Variants in MAPK8IP3 observed in about 807,000 individuals in gnomAD.
The protein encoded by MAPK8IP3 is C-Jun-amino-terminal kinase-interacting protein 3.
A neutral mutation model predicts 157.8 loss-of-function variants in MAPK8IP3; 49 were observed. The ratio of observed to expected loss-of-function variants is 0.31; its 90% CI spans 0.25 to 0.39. The LOEUF (loss-of-function observed/expected upper bound fraction) is 0.39, where lower values mean the gene tolerates loss of function less well. Ranked by LOEUF, MAPK8IP3 falls within the 10% of genes least tolerant of loss-of-function variation. The pLI is 1.00. For synonymous variants in MAPK8IP3, 897 were observed against 777.7 expected (o/e 1.15, Z -2.55); for missense variants, 1,478 against 1,889.4 (o/e 0.78, Z 4.04).
intron 8 of MAPK8IP3, among the ~76,000 whole-genome samples, chr16:1,754,347 G>A (rs556715477): frequency 9.2e-5 from 14 of 152,284 alleles, no homozygotes; most frequent in Admixed American, 4.6e-4. Context: ...ACTCAGAGAA[G>A]TTATACTATG....
chr16:1,748,629 T>C lies in MAPK8IP3; in HGVS notation c.1125T>C (p.Ala375=), dbSNP rs1025683630. The change falls in exon 8 of 32, where the codon GCT becomes GCC. Residue 375 remains alanine (A), a synonymous_variant. Coordinates refer to ENST00000610761, the MANE Select transcript of MAPK8IP3 (RefSeq NM_001318852.2). ...SSPTQGIVNK[A]FGINTDSLYH... ...CAACCCAGGGCATCGTGAACAAAGC[T>C]TTCGGCATCAACACCGACTCCCTGT... The C allele has an allele frequency of 1.2e-6, 2 of 1,614,008 alleles. No homozygotes were observed. Among genetic ancestry groups the C allele is most frequent in the Non-Finnish European group, 8.5e-7 (1 of 1,180,030 alleles).
chr16:1,737,081 C>T lies in MAPK8IP3; in HGVS notation c.603-6251C>T, dbSNP rs1426297318. ...GTGAGCGTCCGTGTGAGCGTGTGAC[C>T]GTCCGTGTGAGTGTGACCATCCATG... On this transcript the variant is annotated intron_variant, in intron 4 of 31. Coordinates refer to ENST00000610761, the MANE Select transcript of MAPK8IP3 (RefSeq NM_001318852.2). Among the ~76,000 whole-genome samples the T allele has an allele frequency of 1.0e-4, 7 of 69,284 alleles. 1 individual carries two copies. The highest frequency in any genetic ancestry group is 1.6e-4 in the Non-Finnish European group (6 of 37,472). 45.5% of individuals were successfully genotyped at this position (69,284 alleles called of 152,430 possible).
chr16:1,730,629 G>A (rs1467323199), intron 4 of MAPK8IP3, among the ~76,000 whole-genome samples: 1 of 151,920 alleles, frequency 6.6e-6, no homozygotes, highest in African/African-American at 2.4e-5. Flanking sequence ...GGATCATGAG[G>A]TCAGGAGATC....
chr16:1,743,530 C>A lies in MAPK8IP3; in HGVS notation c.747+54C>A. On this transcript the variant is annotated intron_variant, in intron 5 of 31. Transcript: ENST00000610761. This position sits in a 1 kb window ranked among gnomAD's most constrained non-coding sequence, Gnocchi z 5.6. Reference sequence around the variant, plus strand: ...GCTCCTCCCTGTTGCTGGTGTTCCCCGTTCACTGGGGCGGGAGCCTCGTCT... The same window carrying A: ...GCTCCTCCCTGTTGCTGGTGTTCCCAGTTCACTGGGGCGGGAGCCTCGTCT... 1.9e-6 allele frequency: 3 copies of A among 1,583,742 alleles called. No homozygotes were observed. The highest frequency in any genetic ancestry group is 2.6e-6 in the Non-Finnish European group (3 of 1,170,956).
rs934463490 is a variant in MAPK8IP3, at chr16:1,770,141, C to A, written c.*1317C>A. 2.6e-5 allele frequency: 4 copies of A among 153,038 alleles called. No homozygotes were observed. The highest frequency in any genetic ancestry group is 5.8e-5 in the Non-Finnish European group (4 of 68,476). 9.5% of individuals were successfully genotyped at this position (153,038 alleles called of 1,614,324 possible). ...TGCGCTGCCGGCTTCTCCCCACCACCCTGCCACCTCCACTGTGATGTATGT... is the reference window on the plus strand; with the variant it reads ...TGCGCTGCCGGCTTCTCCCCACCACACTGCCACCTCCACTGTGATGTATGT... On this transcript the variant is annotated 3_prime_UTR_variant, in exon 32 of 32. Coordinates refer to ENST00000610761, the MANE Select transcript of MAPK8IP3 (RefSeq NM_001318852.2).
intron 1 of MAPK8IP3, among the ~76,000 whole-genome samples, chr16:1,711,942 CAAA>C (rs751305952): frequency 3.8e-5 from 2 of 52,480 alleles, no homozygotes. Flanking sequence ...GACTCCGTCT[CAAA>C]AAAAAAAAAA....
chr16:1,735,940 C>CCG (rs1402178205), intron 4 of MAPK8IP3, among the ~76,000 whole-genome samples: 3 of 118,446 alleles, frequency 2.5e-5, no homozygotes, highest in African/African-American at 9.9e-5. Context: ...GTGTGACCGT[C>CCG]TGTGTGAGTG....
chr16:1,747,318 G>A (rs776893266), intron 6 of MAPK8IP3, 43 bp downstream of exon 6: 1 of 1,598,750 alleles, frequency 6.3e-7, no homozygotes, highest in Non-Finnish European at 8.5e-7. Flanking sequence ...TCGGGCAGGA[G>A]GCAGGGCTTG....
Position 1,758,999 on chromosome 16 carries a change from A to C in MAPK8IP3, c.1246+4A>C. On this transcript the variant is annotated splice_donor_region_variant and intron_variant, in intron 10 of 31. Transcript: ENST00000610761. Reference sequence around the variant, plus strand: ...CTAGTGCGCGATGATTTCTTTGGTAAGGCTGAGGCCCCGTTCCAGCGTGCG... The same window carrying C: ...CTAGTGCGCGATGATTTCTTTGGTACGGCTGAGGCCCCGTTCCAGCGTGCG... The C allele has an allele frequency of 6.2e-7, 1 of 1,614,142 alleles. No homozygotes were observed. Among genetic ancestry groups the C allele is most frequent in the Non-Finnish European group, 8.5e-7 (1 of 1,180,022 alleles).
chr16:1,758,408 GC>G (rs1163744245), intron 9 of MAPK8IP3, among the ~76,000 whole-genome samples: 1 of 152,044 alleles, frequency 6.6e-6, no homozygotes, highest in African/African-American at 2.4e-5. Context: ...ATTTCTGAAG[GC>G]CCTGCGGAGC....
intron 4 of MAPK8IP3, chr16:1,734,888 C>T (rs2039560234): frequency 6.5e-6 from 1 of 154,666 alleles, no homozygotes; most frequent in Non-Finnish European, 1.5e-5. Context: ...GAGTGTGTGT[C>T]TGGAATGCAG....
Position 1,765,094 on chromosome 16 carries a change from A to G in MAPK8IP3, c.2362A>G (p.Ile788Val). ...CACCCTGACCACCAGCAAGGTGGTG[A>G]TCATCGACGCCAACCAGCCGGGCAC... is the stretch of plus-strand genomic sequence containing the variant. ...TSTLTTSKVV[I>V]IDANQPGTVV... The change falls in exon 20 of 32, where the codon ATC (isoleucine) becomes GTC (valine). Residue 788 changes from isoleucine (I) to valine (V), a missense_variant. Coordinates refer to ENST00000610761, the MANE Select transcript of MAPK8IP3 (RefSeq NM_001318852.2). The G allele has an allele frequency of 6.2e-7, 1 of 1,612,610 alleles. No individual in the cohort carries two copies. The highest frequency in any genetic ancestry group is 8.5e-7 in the Non-Finnish European group (1 of 1,179,822).
chr16:1,714,377 T>C (rs1206597753), intron 1 of MAPK8IP3, among the ~76,000 whole-genome samples: 2 of 152,190 alleles, frequency 1.3e-5, no homozygotes, highest in African/African-American at 2.4e-5. Flanking sequence ...GCCCACAGCA[T>C]CATTACTCTG....
rs1053152286 is a variant in MAPK8IP3, at chr16:1,762,981, C to T, written c.1873C>T (p.Arg625Trp). 3.7e-6 allele frequency: 6 copies of T among 1,612,880 alleles called. No individual in the cohort carries two copies. The highest frequency in any genetic ancestry group is 1.1e-5 in the South Asian group (1 of 91,086). Residue 625 changes from arginine to tryptophan, a missense_variant, in exon 16 of 32, where the codon CGG becomes TGG. By Grantham distance (101) the Arg-to-Trp change is moderately radical. Coordinates refer to ENST00000610761, the MANE Select transcript of MAPK8IP3 (RefSeq NM_001318852.2). ...HAMCPISAGS[R>W]PLEFFPDDDC... is the part of the protein sequence containing the mutation. ...CATGTGCCCGATCTCGGCAGGCAGC[C>T]GGCCCCTGGAATTCTTCCCTGACGA...
At position 1,741,862 on chromosome 16, in the gene MAPK8IP3, C is replaced by A. The variant is rs2040701368; in HGVS notation, c.603-1470C>A. ...GTTGTCCTGAACATAACAGAGCAGG[C>A]GGCCAGTCCCCAGAGCTGTATGCAC... On this transcript the variant is annotated intron_variant, in intron 4 of 31. Coordinates refer to ENST00000610761, the MANE Select transcript of MAPK8IP3 (RefSeq NM_001318852.2). This position sits in a 1 kb window ranked among gnomAD's most constrained non-coding sequence, Gnocchi z 6.9. 6.6e-6 allele frequency among the ~76,000 whole-genome samples: 1 copy of A among 152,104 alleles called. No homozygotes were observed. The highest frequency in any genetic ancestry group is 2.4e-5 in the African/African-American group (1 of 41,406).
At chr16:1,758,111 C>T (rs1270729407) in intron 8 of MAPK8IP3, 37 bp from the exon 9 acceptor site, 4 of 1,612,324 alleles carry the variant, frequency 2.5e-6, no homozygotes, top group South Asian at 1.1e-5. Context: ...TTGTCCCTTC[C>T]TTCCCCTGCC....
At chr16:1,707,613 C>A (rs1032635185) in intron 1 of MAPK8IP3, 1 of 152,258 alleles carries the variant, frequency 6.6e-6, no homozygotes, top group African/African-American at 2.4e-5. Context: ...TGTGTGGGCC[C>A]AGAACCTCGC....
Position 1,766,399 on chromosome 16 carries a change from C to G in MAPK8IP3, c.2809C>G (p.Gln937Glu), listed in dbSNP as rs774233587. Residue 937 changes from glutamine (Q) to glutamate (E), a missense_variant, in exon 22 of 32, where the codon CAG (glutamine) becomes GAG (glutamate). Transcript: ENST00000610761. The part of the protein sequence containing the change: ...DPAPTPSSGP[Q>E]PGSENGPEPD... ...AGCCCCGACCCCGTCCTCTGGCCCC[C>G]AGCCTGGCAGGTGAGCTCTTGGGCT... is the stretch of plus-strand genomic sequence containing the variant. The G allele has an allele frequency of 8.2e-5, 132 of 1,610,174 alleles. No homozygotes were observed. Among genetic ancestry groups the G allele is most frequent in the Middle Eastern group, 3.3e-4 (2 of 6,076 alleles).
intron 4 of MAPK8IP3, among the ~76,000 whole-genome samples, chr16:1,731,667 C>A (rs1214218820): frequency 6.6e-6 from 1 of 152,180 alleles, no homozygotes; most frequent in Admixed American, 6.5e-5. Flanking sequence ...TTGAGGATTT[C>A]CTGTTAGTAG....
Sources: gnomAD v4.1 joint callset for allele counts (sites outside exome capture counted in the v4.1 genomes callset) on GRCh38, gnomAD v4.1.1 for gene constraint, Gnocchi (gnomAD v3.1) non-coding constraint, MANE v1.5 for transcripts, NCBI Gene and HGNC (gene_info 2026-07-23, HGNC 2026-07-21) for gene names.